Variants in LMF1 observed in about 807,000 individuals in gnomAD.
LMF1 encodes the protein transmembrane protein 112.
Under a neutral mutation model 60.6 loss-of-function variants are expected in LMF1, and 68 were observed. The observed-to-expected ratio is 1.12, with a 90% CI of 0.92 to 1.37. The LOEUF (loss-of-function observed/expected upper bound fraction) is 1.37, where lower values mean the gene tolerates loss of function less well. Among genes scored for constraint, LMF1 ranks in the 40% most tolerant of loss-of-function variants. The pLI, the probability that LMF1 is intolerant of heterozygous loss-of-function variation, is 0.00. For synonymous variants in LMF1, 418 were observed against 324.7 expected, an observed-to-expected ratio of 1.29 and a Z score of -3.09; for missense variants, 948 against 767.2, an observed-to-expected ratio of 1.24 and a Z score of -2.78.
At chr16:855,734 C>A (rs778073893) in intron 10 of LMF1, 2 of 455,956 alleles carry the variant, frequency 4.4e-6, no homozygotes, top group Non-Finnish European at 4.4e-6. Context: ...CCTCTCATGG[C>A]CCCTGGAATG....
chr16:965,097 C>T (rs186289229), intron 1 of LMF1, among the ~76,000 whole-genome samples: 43 of 152,356 alleles, frequency 2.8e-4, no homozygotes, highest in African/African-American at 6.5e-4. Context: ...AAAGCCCCTC[C>T]GTTCCCGCCA....
At chr16:887,961 C>G (rs374871012) in intron 5 of LMF1, among the ~76,000 whole-genome samples, 1 of 152,144 alleles carries the variant, frequency 6.6e-6, no homozygotes, top group East Asian at 1.9e-4. Flanking sequence ...AGGGGACCCC[C>G]GCCCTGGTCA....
At chr16:860,255 A>G (rs1009827562) in intron 10 of LMF1, among the ~76,000 whole-genome samples, 1 of 152,082 alleles carries the variant, frequency 6.6e-6, no homozygotes, top group Non-Finnish European at 1.5e-5. Flanking sequence ...ATGAATTTCA[A>G]TTAATTTTTC....
At chr16:934,408 G>GCTCCTGTTCCCCT in intron 2 of LMF1, 154 bp from the exon 3 acceptor site, 3 of 873,468 alleles carry the variant, frequency 3.4e-6, no homozygotes, top group Non-Finnish European at 5.4e-6. Context: ...GGCATTAGGG[G>GCTCCTGTTCCCCT]AACAGGAGCC....
chr16:874,342 C>G lies in LMF1; in HGVS notation c.898-3001G>C, dbSNP rs1174442693. Among the ~76,000 whole-genome samples, 1 of 120,592 alleles carries G rather than the reference C, an allele frequency of 8.3e-6. No homozygotes were observed. The highest frequency in any genetic ancestry group is 3.0e-5 in the African/African-American group (1 of 33,066). 79.1% of individuals were successfully genotyped at this position (120,592 alleles called of 152,430 possible). On this transcript the variant is annotated intron_variant, in intron 6 of 10. Coordinates refer to ENST00000262301, the MANE Select transcript of LMF1 (RefSeq NM_022773.4). This position sits in a 1 kb window ranked among gnomAD's most constrained non-coding sequence, Gnocchi z 4.1. ...TGCAGCCACCACAGGGCAAGGAGCC[C>G]TTTGGGCAGGGCGGGGTGGGGTGGG...
At chr16:979,217 C>CA (rs2073265064) in intron 1 of LMF1, 1 of 400,458 alleles carries the variant, frequency 2.5e-6, no homozygotes, top group African/African-American at 2.1e-5. Flanking sequence ...TAGTGGCTCA[C>CA]ACCCGCGGAG....
At chr16:926,454 G>A (rs1433366230) in intron 3 of LMF1, among the ~76,000 whole-genome samples, 1 of 151,528 alleles carries the variant, frequency 6.6e-6, no homozygotes, top group East Asian at 2.0e-4. Context: ...TGTTTGCACA[G>A]GATCTGCATA....
Position 876,082 on chromosome 16 carries a change from C to G in LMF1, c.897+3488G>C, listed in dbSNP as rs563669257. Among the ~76,000 whole-genome samples, 4 of 152,360 alleles carry G rather than the reference C, an allele frequency of 2.6e-5. No individual in the cohort carries two copies. The East Asian group carries it at 7.7e-4, about 29-fold the overall frequency. ...TGTGCTCAGCACAACCCTCCTTGTG[C>G]GCCCTGTGGGAAGCACATGTGCCCG... On this transcript the variant is annotated intron_variant, in intron 6 of 10. Coordinates refer to ENST00000262301, the MANE Select transcript of LMF1 (RefSeq NM_022773.4).
At chr16:981,338 GAGAGAGAGAGTGTGTGT>G, upstream of LMF1, 1 of 323,604 alleles carries the variant, frequency 3.1e-6, no homozygotes, top group South Asian at 2.4e-5. Flanking sequence ...GAGAGAGAGA[GAGAGAGAGAGTGTGTGT>G]GTGTGTGTGT....
In LMF1 at chr16:954,538, T is replaced by C. The variant is rs1003275734; in HGVS notation, c.322A>G (p.Ser108Gly). The C allele has an allele frequency of 6.2e-7, 1 of 1,613,194 alleles. No homozygotes were observed. The highest frequency in any genetic ancestry group is 8.5e-7 in the Non-Finnish European group (1 of 1,179,784). The change falls in exon 2 of 11, where the codon AGC becomes GGC. Residue 108 changes from serine (S) to glycine (G), a missense_variant. Transcript: ENST00000262301. Reference sequence around the variant, plus strand: ...AGCCAGAGGATGGTGGGCATGTAGCTGAAGACTTCCCAGCTCGTCCTGTCC... The same window carrying C: ...AGCCAGAGGATGGTGGGCATGTAGCCGAAGACTTCCCAGCTCGTCCTGTCC... ...FQDRTSWEVF[S>G]YMPTILWLMD...
At chr16:935,472 G>A (rs995172087) in intron 2 of LMF1, among the ~76,000 whole-genome samples, 2 of 151,540 alleles carry the variant, frequency 1.3e-5, no homozygotes, top group African/African-American at 2.4e-5. Flanking sequence ...CAGGGTTGTC[G>A]GTTGTCCAAT....
chr16:864,164 G>C (rs774142697), intron 10 of LMF1, among the ~76,000 whole-genome samples: 22 of 152,198 alleles, frequency 1.4e-4, no homozygotes, highest in Non-Finnish European at 3.1e-4. Context: ...CTGTTTGGCA[G>C]GTTGATTCTT....
chr16:973,566 G>T (rs1466277439), upstream of LMF1, among the ~76,000 whole-genome samples: 1 of 152,148 alleles, frequency 6.6e-6, no homozygotes, highest in Non-Finnish European at 1.5e-5. Context: ...GTGGTCCGGG[G>T]GTAGGACGTT....
chr16:937,360 G>A (rs1482719864), intron 2 of LMF1, among the ~76,000 whole-genome samples: 1 of 152,172 alleles, frequency 6.6e-6, no homozygotes, highest in African/African-American at 2.4e-5. Context: ...TCCTTTCCTG[G>A]ACAGTGGGAC....
intron 2 of LMF1, among the ~76,000 whole-genome samples, chr16:942,531 T>C (rs2072127379): frequency 6.6e-6 from 1 of 151,334 alleles, no homozygotes; most frequent in Admixed American, 6.6e-5. Flanking sequence ...TGGTGCTATA[T>C]GCCTCATTCT....
intron 4 of LMF1, among the ~76,000 whole-genome samples, chr16:905,823 G>C (rs2070960549): frequency 6.6e-6 from 1 of 151,952 alleles, no homozygotes; most frequent in Non-Finnish European, 1.5e-5. Context: ...TGCCCAGTCT[G>C]GGCTTGAACT....
chr16:877,959 C>G (rs1460861404), intron 6 of LMF1, among the ~76,000 whole-genome samples: 2 of 152,160 alleles, frequency 1.3e-5, no homozygotes, highest in Non-Finnish European at 2.9e-5. Flanking sequence ...CACCTCAGAG[C>G]TGCAGCCTAC....
At chr16:894,074 G>A (rs74915380) in intron 4 of LMF1, among the ~76,000 whole-genome samples, 15,182 of 39,796 alleles carry the variant, frequency 0.38, 2,530 homozygotes, top group African/African-American at 0.52. Context: ...CCGCCCACCC[G>A]TCCCCCTGTC....
At chr16:958,471 T>A (rs1030142808) in intron 1 of LMF1, among the ~76,000 whole-genome samples, 1 of 152,122 alleles carries the variant, frequency 6.6e-6, no homozygotes, top group East Asian at 1.9e-4. Context: ...CATAGGAAGG[T>A]GTACGGATGG....
Sources: allele counts gnomAD v4.1 joint callset (sites outside exome capture counted in the v4.1 genomes callset), GRCh38; gene constraint gnomAD v4.1.1; non-coding constraint Gnocchi (gnomAD v3.1); transcripts MANE v1.5; gene names NCBI Gene and HGNC (gene_info 2026-07-23, HGNC 2026-07-21).